Variants in AMN1 observed in about 807,000 individuals in gnomAD.
AMN1 encodes the protein protein AMN1 homolog.
In AMN1, 20 loss-of-function variants were observed where a neutral mutation model predicts 33.0. That is an observed-to-expected ratio of 0.61 (90% confidence interval 0.43 to 0.88). The LOEUF (loss-of-function observed/expected upper bound fraction) is 0.88, where lower values mean the gene tolerates loss of function less well. Ranked by LOEUF, AMN1 falls within the 40% of genes least tolerant of loss-of-function variation. The pLI is 0.00. For synonymous variants in AMN1, 114 were observed against 111.9 expected (o/e 1.02, Z -0.12); for missense variants, 246 against 307.4 (o/e 0.80, Z 1.49).
intron 6 of AMN1, among the ~76,000 whole-genome samples, chr12:31,681,418 AG>A (rs1938007273): frequency 6.6e-6 from 1 of 152,044 alleles, no homozygotes; most frequent in African/African-American, 2.4e-5. Context: ...TAGTAGAGAC[AG>A]GGTTTCACCA....
chr12:31,684,216 C>A (rs55749071), intron 6 of AMN1, among the ~76,000 whole-genome samples: 2,741 of 152,116 alleles, frequency 0.018, 73 homozygotes, highest in African/African-American at 0.062. Context: ...AAAATGTACG[C>A]AAAGTTCATT....
chr12:31,722,071 C>A (rs1406316102), intron 1 of AMN1, among the ~76,000 whole-genome samples: 2 of 151,468 alleles, frequency 1.3e-5, no homozygotes, highest in African/African-American at 2.4e-5. Context: ...GTGAAATAGA[C>A]CGTATTTTAT....
Position 31,697,898 on chromosome 12 carries a change from A to C in AMN1, c.376T>G (p.Cys126Gly). 1 of 1,614,054 alleles carries C rather than the reference A, an allele frequency of 6.2e-7. No homozygotes were observed. Among genetic ancestry groups the C allele is most frequent in the Non-Finnish European group, 8.5e-7 (1 of 1,179,890 alleles). Reference protein sequence around the residue: ...YLHEASLKRCCNLTDEGVVAL... With the variant: ...YLHEASLKRCGNLTDEGVVAL... The stretch of plus-strand genomic sequence containing the variant: ...ACGACTCCTTCGTCAGTGAGATTGC[A>C]GCATCTTTTCAAAGAAGCTTCGTGT... Residue 126 changes from cysteine (C) to glycine (G), a missense_variant, in exon 4 of 7, where the codon TGC becomes GGC. By Grantham distance (159) the Cys-to-Gly change is radical. Coordinates refer to ENST00000281471, the MANE Select transcript of AMN1 (RefSeq NM_001113402.2).
chr12:31,695,916 T>C (rs1938702426), intron 5 of AMN1, among the ~76,000 whole-genome samples: 1 of 152,176 alleles, frequency 6.6e-6, no homozygotes, highest in South Asian at 2.1e-4. Flanking sequence ...AAACGTGGCA[T>C]TGTCATTCCA....
chr12:31,698,057 T>A (rs1938814297), intron 3 of AMN1, 100 bp from the exon 4 acceptor site: 1 of 1,131,928 alleles, frequency 8.8e-7, no homozygotes, highest in Non-Finnish European at 1.3e-6. Flanking sequence ...CAGTTCAGTG[T>A]TAGCCCTTTT....
At chr12:31,706,789 G>A (rs1335886194) in intron 2 of AMN1, among the ~76,000 whole-genome samples, 6 of 152,100 alleles carry the variant, frequency 3.9e-5, no homozygotes, top group East Asian at 1.9e-4. Flanking sequence ...TAGTAGGGCC[G>A]AAACAGACTT....
At position 31,729,021 on chromosome 12, in the gene AMN1, T is replaced by A; in HGVS notation, c.-13A>T. ...GTGGGCGAGGCATCGCTGCAGCGTCTGAAGCCTCTTCCGCGGTCCCAGGGC... is the reference window on the plus strand; with the variant it reads ...GTGGGCGAGGCATCGCTGCAGCGTCAGAAGCCTCTTCCGCGGTCCCAGGGC... On this transcript the variant is annotated 5_prime_UTR_variant, in exon 1 of 7. Transcript: ENST00000281471. The A allele has an allele frequency of 6.5e-7, 1 of 1,540,648 alleles. No individual in the cohort carries two copies. Among genetic ancestry groups the A allele is most frequent in the South Asian group, 1.2e-5 (1 of 83,640 alleles).
Position 31,706,273 on chromosome 12 carries a change from C to T in AMN1, c.171+3020G>A, listed in dbSNP as rs370490344. Among the ~76,000 whole-genome samples the T allele has an allele frequency of 7.2e-5, 10 of 139,158 alleles. No individual in the cohort carries two copies. In the East Asian group the frequency reaches 1.1e-3, roughly 15 times the overall value. 91.3% of individuals were successfully genotyped at this position (139,158 alleles called of 152,430 possible). On this transcript the variant is annotated intron_variant, in intron 2 of 6. Coordinates refer to ENST00000281471, the MANE Select transcript of AMN1 (RefSeq NM_001113402.2). The stretch of plus-strand genomic sequence containing the variant: ...GTTGCAGTGAGCCAAGATCATGCCA[C>T]TGCGCTCCAGCCTGGGTGAAACAGC...
At chr12:31,697,710 CTA>C (rs1442392698) in intron 4 of AMN1, 28 bp downstream of exon 4, 8 of 1,584,488 alleles carry the variant, frequency 5.0e-6, no homozygotes, top group Admixed American at 1.7e-5. Flanking sequence ...AACACATAGT[CTA>C]TATGTTTGTA....
intron 3 of AMN1, among the ~76,000 whole-genome samples, chr12:31,700,837 G>T (rs915308393): frequency 6.6e-6 from 1 of 150,704 alleles, no homozygotes; most frequent in African/African-American, 2.4e-5. Context: ...CTACAGGCAC[G>T]TGTCACCATG....
intron 6 of AMN1, among the ~76,000 whole-genome samples, chr12:31,678,025 C>T (rs778877739): frequency 6.6e-6 from 1 of 152,140 alleles, no homozygotes; most frequent in Non-Finnish European, 1.5e-5. Flanking sequence ...CTGGGTTTCT[C>T]CACTCTTACT....
At chr12:31,728,008 G>C (rs7298666) in intron 1 of AMN1, among the ~76,000 whole-genome samples, 6 of 152,106 alleles carry the variant, frequency 3.9e-5, no homozygotes, top group Non-Finnish European at 7.4e-5. Context: ...TTACAGGCGT[G>C]AACCACCGTG....
intron 2 of AMN1, 64 bp from the exon 3 acceptor site, chr12:31,702,071 A>T: frequency 7.1e-7 from 1 of 1,400,280 alleles, no homozygotes; most frequent in Admixed American, 2.6e-5. Flanking sequence ...TTTATTCCAT[A>T]TTCAGTGTTT....
intron 6 of AMN1, among the ~76,000 whole-genome samples, chr12:31,688,295 T>A (rs996038744): frequency 3.3e-5 from 5 of 152,308 alleles, no homozygotes; most frequent in Admixed American, 6.5e-5. Context: ...AGTTAACAAG[T>A]CATTTAGTGT....
chr12:31,675,759 G>A (rs1282102679), intron 6 of AMN1, among the ~76,000 whole-genome samples: 4 of 151,710 alleles, frequency 2.6e-5, no homozygotes, highest in African/African-American at 4.9e-5. Flanking sequence ...CACCTGCCTT[G>A]GCCTCCCAAA....
At chr12:31,694,928 C>T (rs1467616634) in intron 5 of AMN1, among the ~76,000 whole-genome samples, 1 of 152,014 alleles carries the variant, frequency 6.6e-6, no homozygotes, top group African/African-American at 2.4e-5. Context: ...CATAAAAAGA[C>T]CCTGTCTCTA....
intron 2 of AMN1, among the ~76,000 whole-genome samples, chr12:31,706,872 T>C (rs991908556): frequency 3.3e-5 from 5 of 152,116 alleles, no homozygotes; most frequent in Admixed American, 6.5e-5. Context: ...AAACAAGACA[T>C]CTAGAGAGCA....
chr12:31,709,836 A>G (rs1366738463), intron 1 of AMN1, among the ~76,000 whole-genome samples: 1 of 152,162 alleles, frequency 6.6e-6, no homozygotes, highest in Non-Finnish European at 1.5e-5. Context: ...CTCAAAAAAA[A>G]GTATATACAT....
intron 5 of AMN1, 56 bp downstream of exon 5, chr12:31,697,305 T>C: frequency 6.7e-7 from 1 of 1,492,636 alleles, no homozygotes; most frequent in African/African-American, 1.4e-5. Flanking sequence ...TTAAACATAA[T>C]TTCTAAGAAT....
Sources: allele counts gnomAD v4.1 joint callset (sites outside exome capture counted in the v4.1 genomes callset), GRCh38; gene constraint gnomAD v4.1.1; transcripts MANE v1.5; gene names NCBI Gene and HGNC (gene_info 2026-07-23, HGNC 2026-07-21).